Variants in LDLRAD4 observed in about 807,000 individuals in gnomAD.
LDLRAD4 encodes low-density lipoprotein receptor class A domain-containing protein 4.
A neutral mutation model predicts 17.0 loss-of-function variants in LDLRAD4; 5 were observed. That is an observed-to-expected ratio of 0.29 (90% CI 0.15 to 0.62). LDLRAD4 has a LOEUF of 0.62. Among genes scored for constraint, LDLRAD4 ranks in the 20% least tolerant of loss-of-function variants. The probability of loss-of-function intolerance (pLI) is 0.84; values close to 1 mark genes in which losing one functional copy is unlikely to be tolerated. For synonymous variants in LDLRAD4, 168 were observed against 171.8 expected, an observed-to-expected ratio of 0.98 and a Z score of 0.17; for missense variants, 340 against 424.7, an observed-to-expected ratio of 0.80 and a Z score of 1.75.
chr18:13,349,652 C>G (rs910950225), intron 1 of LDLRAD4, among the ~76,000 whole-genome samples: 2 of 152,108 alleles, frequency 1.3e-5, no homozygotes, highest in African/African-American at 2.4e-5. Context: ...TTCTGGGATA[C>G]AAGTGCAGAA....
chr18:13,436,767 C>A (rs2090685496), intron 2 of LDLRAD4, among the ~76,000 whole-genome samples: 1 of 152,236 alleles, frequency 6.6e-6, no homozygotes, highest in Admixed American at 6.5e-5. Flanking sequence ...CGTGGCCCAG[C>A]CTCACTCTGC....
intron 1 of LDLRAD4, among the ~76,000 whole-genome samples, chr18:13,233,487 C>G (rs915485925): frequency 1.3e-5 from 2 of 152,142 alleles, no homozygotes; most frequent in African/African-American, 4.8e-5. Flanking sequence ...GTCGCTGTCT[C>G]TGGTGCTCCT....
intron 2 of LDLRAD4, among the ~76,000 whole-genome samples, chr18:13,415,835 G>A (rs915878121): frequency 5.9e-5 from 9 of 152,370 alleles, no homozygotes; most frequent in South Asian, 4.1e-4. Context: ...TGGGCTGCCC[G>A]GAGGGGTGCT....
At chr18:13,396,310 A>G (rs910511901) in intron 2 of LDLRAD4, among the ~76,000 whole-genome samples, 11 of 152,242 alleles carry the variant, frequency 7.2e-5, no homozygotes, top group Non-Finnish European at 1.3e-4. Flanking sequence ...TGTTAGCACA[A>G]TCAGCCTTGC....
chr18:13,421,086 G>A (rs1311495806), intron 2 of LDLRAD4: 1 of 152,300 alleles, frequency 6.6e-6, no homozygotes, highest in African/African-American at 2.4e-5. Flanking sequence ...TCCGCGCTGA[G>A]CACTGCACAC....
At chr18:13,437,023 C>T (rs1482805520) in intron 2 of LDLRAD4, among the ~76,000 whole-genome samples, 1 of 152,268 alleles carries the variant, frequency 6.6e-6, no homozygotes, top group Non-Finnish European at 1.5e-5. Context: ...TTGCGGGCCA[C>T]AGTTCGCCGC....
At chr18:13,636,554 G>A (rs1327521034) in intron 4 of LDLRAD4, among the ~76,000 whole-genome samples, 10 of 63,070 alleles carry the variant, frequency 1.6e-4, no homozygotes, top group Admixed American at 6.5e-4. Context: ...GGAGTGCAGC[G>A]GCGCGATCTC....
intron 1 of LDLRAD4, among the ~76,000 whole-genome samples, chr18:13,254,743 A>G (rs1252403038): frequency 6.6e-6 from 1 of 152,234 alleles, no homozygotes; most frequent in Non-Finnish European, 1.5e-5. Flanking sequence ...CAGGAGGATC[A>G]TTTGAGCCCA....
intron 2 of LDLRAD4, among the ~76,000 whole-genome samples, chr18:13,421,754 G>A (rs184640676): frequency 3.9e-5 from 6 of 152,314 alleles, no homozygotes; most frequent in Non-Finnish European, 4.4e-5. Context: ...AAAAGATACC[G>A]TGGACACTTA....
intron 1 of LDLRAD4, among the ~76,000 whole-genome samples, chr18:13,371,997 C>T (rs1252226710): frequency 2.0e-5 from 3 of 152,170 alleles, no homozygotes; most frequent in Non-Finnish European, 4.4e-5. Flanking sequence ...TCTAGAGACA[C>T]TCAAGCCATG....
chr18:13,273,448 G>C (rs762259697), upstream of LDLRAD4, among the ~76,000 whole-genome samples: 1 of 152,116 alleles, frequency 6.6e-6, no homozygotes, highest in South Asian at 2.1e-4. Context: ...CTATAGGTGC[G>C]CACCACCACA....
chr18:13,381,448 C>A (rs935011843), intron 1 of LDLRAD4, among the ~76,000 whole-genome samples: 7 of 152,124 alleles, frequency 4.6e-5, no homozygotes, highest in African/African-American at 1.7e-4. Context: ...ATGGGAGGGA[C>A]CTCCAGTTTC....
chr18:13,459,894 C>T (rs999991668), intron 3 of LDLRAD4: 1 of 154,104 alleles, frequency 6.5e-6, no homozygotes, highest in African/African-American at 2.4e-5. Flanking sequence ...AGCCTAGTCT[C>T]ATCGTTAGAG....
intron 1 of LDLRAD4, among the ~76,000 whole-genome samples, chr18:13,344,162 C>T (rs913881938): frequency 6.6e-5 from 10 of 152,192 alleles, no homozygotes; most frequent in African/African-American, 2.2e-4. Flanking sequence ...TTGCCCATGC[C>T]TACGTCCTGA....
In LDLRAD4 at chr18:13,283,899, A is replaced by G. The variant is rs117922283; in HGVS notation, c.-383+5711A>G. 2.6e-3 allele frequency among the ~76,000 whole-genome samples: 392 copies of G among 152,316 alleles called. 12 individuals carry two copies. The East Asian group carries it at 0.058, about 23-fold the overall frequency. ...AGAATCGTGGCTGAGGGCAAAAGGC[A>G]CTTCTTACAGGGCGGCAGCAAGGGA... On this transcript the variant is annotated intron_variant, in intron 1 of 5. Transcript: ENST00000359446.
chr18:13,641,969 G>C (rs1426073747), intron 4 of LDLRAD4: 3 of 985,350 alleles, frequency 3.0e-6, no homozygotes, highest in Non-Finnish European at 3.6e-6. Context: ...TGCGGGCCCA[G>C]CCTGGGCCCT....
At chr18:13,651,380 A>T (rs531770626) in exon 6 of LDLRAD4, 12 of 152,212 alleles carry the variant, frequency 7.9e-5, no homozygotes, top group East Asian at 5.8e-4. Flanking sequence ...TTACAAGAAG[A>T]CCCTGTTCTT....
chr18:13,316,909 A>G (rs2080963769), intron 1 of LDLRAD4, among the ~76,000 whole-genome samples: 1 of 152,244 alleles, frequency 6.6e-6, no homozygotes, highest in South Asian at 2.1e-4. Flanking sequence ...AGATAGCAAC[A>G]TGGTCAGTTT....
chr18:13,591,803 A>G (rs2095033165), intron 3 of LDLRAD4, among the ~76,000 whole-genome samples: 1 of 152,242 alleles, frequency 6.6e-6, no homozygotes, highest in Non-Finnish European at 1.5e-5. Context: ...CGTGAGGCCA[A>G]TAAAAAATAA....
Sources: gnomAD v4.1 joint callset for allele counts (sites outside exome capture counted in the v4.1 genomes callset) on GRCh38, gnomAD v4.1.1 for gene constraint, MANE v1.5 for transcripts, NCBI Gene and HGNC (gene_info 2026-07-23, HGNC 2026-07-21) for gene names.